Variants in ZNF804A observed in about 807,000 individuals in gnomAD.
The protein encoded by ZNF804A is zinc finger protein 804A.
Under a neutral mutation model 16.5 loss-of-function variants are expected in ZNF804A, and 2 were observed. The observed-to-expected ratio is 0.12, with a 90% CI of 0.05 to 0.38. The LOEUF (loss-of-function observed/expected upper bound fraction) is 0.38, where lower values mean the gene tolerates loss of function less well. Among genes scored for constraint, ZNF804A ranks in the 10% least tolerant of loss-of-function variants. ZNF804A has a pLI of 0.99. For synonymous variants in ZNF804A, 534 were observed against 489.6 expected, an observed-to-expected ratio of 1.09 and a Z score of -1.20; for missense variants, 1,473 against 1,390.7, an observed-to-expected ratio of 1.06 and a Z score of -0.94.
intron 1 of ZNF804A, among the ~76,000 whole-genome samples, chr2:184,799,311 T>G (rs1442526888): frequency 6.6e-6 from 1 of 152,180 alleles, no homozygotes; most frequent in East Asian, 1.9e-4. Context: ...CGATTGATTT[T>G]TTTTAATGTC....
chr2:184,883,681 T>C (rs1293887404), intron 2 of ZNF804A, among the ~76,000 whole-genome samples: 1 of 151,678 alleles, frequency 6.6e-6, no homozygotes, highest in Non-Finnish European at 1.5e-5. Flanking sequence ...ACTATATAAA[T>C]AGAACCAAAA....
At chr2:184,679,262 C>T (rs1235700089) in intron 1 of ZNF804A, among the ~76,000 whole-genome samples, 3 of 152,188 alleles carry the variant, frequency 2.0e-5, no homozygotes, top group African/African-American at 4.8e-5. Context: ...TCCAAAGATA[C>T]AATAACACAA....
rs1032598772 is a variant in ZNF804A, at chr2:184,827,263, G to A, written c.112-39106G>A. On this transcript the variant is annotated intron_variant, in intron 1 of 3. Transcript: ENST00000302277. ...TATAATATGGCTCTTCATTGAAATA[G>A]ATATTATATAACATTAAATGTTGAA... is the stretch of plus-strand genomic sequence containing the variant. Among the ~76,000 whole-genome samples, 3 of 150,842 alleles carry A rather than the reference G, an allele frequency of 2.0e-5. No homozygotes were observed. In the Admixed American group the frequency reaches 2.0e-4, roughly 10 times the overall value.
At chr2:184,710,347 T>A (rs1308518836) in intron 1 of ZNF804A, among the ~76,000 whole-genome samples, 1 of 151,724 alleles carries the variant, frequency 6.6e-6, no homozygotes, top group Non-Finnish European at 1.5e-5. Flanking sequence ...AAACCATTCA[T>A]TTACTTTCAT....
chr2:184,598,952 G>A lies in ZNF804A; in HGVS notation c.-8G>A, dbSNP rs370361795. On this transcript the variant is annotated 5_prime_UTR_variant, in exon 1 of 4. Coordinates refer to ENST00000302277, the MANE Select transcript of ZNF804A (RefSeq NM_194250.2). ...GGCGGCTGCGGCGGAGGAGGCGGCG[G>A]CTGCCCCATGGAGTGTTACTACATT... The A allele has an allele frequency of 1.3e-4, 207 of 1,544,188 alleles. No individual in the cohort carries two copies. The highest frequency in any genetic ancestry group is 1.7e-4 in the Non-Finnish European group (194 of 1,141,680).
chr2:184,795,308 C>A (rs1460060371), intron 1 of ZNF804A, among the ~76,000 whole-genome samples: 1 of 151,890 alleles, frequency 6.6e-6, no homozygotes, highest in East Asian at 1.9e-4. Flanking sequence ...AAATAATCTG[C>A]TCCTCATTAA....
chr2:184,616,273 A>G (rs1691317556), intron 1 of ZNF804A, among the ~76,000 whole-genome samples: 1 of 152,142 alleles, frequency 6.6e-6, no homozygotes, highest in African/African-American at 2.4e-5. Flanking sequence ...AACCTGAGTC[A>G]GTTATTTAAC....
chr2:184,768,587 T>G (rs1694164836), intron 1 of ZNF804A, among the ~76,000 whole-genome samples: 1 of 151,992 alleles, frequency 6.6e-6, no homozygotes, highest in South Asian at 2.1e-4. Flanking sequence ...AGGTTTAAAG[T>G]GGGGTCTGAA....
chr2:184,865,924 C>T (rs1244448668), intron 1 of ZNF804A, among the ~76,000 whole-genome samples: 1 of 151,958 alleles, frequency 6.6e-6, no homozygotes, highest in Non-Finnish European at 1.5e-5. Context: ...TTGAAACAAA[C>T]AAAATACAAA....
chr2:184,811,279 C>CG (rs1694895231), intron 1 of ZNF804A, among the ~76,000 whole-genome samples: 1 of 152,158 alleles, frequency 6.6e-6, no homozygotes, highest in East Asian at 1.9e-4. Context: ...GCATGCTCTT[C>CG]ATTCCTTTAT....
chr2:184,692,487 T>C (rs774042433), intron 1 of ZNF804A, among the ~76,000 whole-genome samples: 3 of 152,178 alleles, frequency 2.0e-5, no homozygotes, highest in Non-Finnish European at 2.9e-5. Flanking sequence ...TTAAAAATAA[T>C]AAGCATTACT....
At chr2:184,638,806 G>T (rs1691744468) in intron 1 of ZNF804A, among the ~76,000 whole-genome samples, 1 of 152,030 alleles carries the variant, frequency 6.6e-6, no homozygotes, top group South Asian at 2.1e-4. Context: ...TCACATAATT[G>T]ATGCTTACCA....
rs1696048061 is a variant in ZNF804A, at chr2:184,875,954, A to G, written c.255+9442A>G. 2.6e-5 allele frequency among the ~76,000 whole-genome samples: 4 copies of G among 152,198 alleles called. No homozygotes were observed. In the South Asian group the frequency reaches 8.3e-4, roughly 32 times the overall value. On this transcript the variant is annotated intron_variant, in intron 2 of 3. Transcript: ENST00000302277. ...CACTGATGCTTTGAAGAGATAGAAA[A>G]GGGAATGATTGTCTTATTGCTGCTG...
In ZNF804A at chr2:184,713,594, A is replaced by G. The variant is rs544835652; in HGVS notation, c.111+114524A>G. The stretch of plus-strand genomic sequence containing the variant: ...AGTCTTGAAACAATAACTATGTGCC[A>G]TATACCAACATGTACAGAACAATAT... On this transcript the variant is annotated intron_variant, in intron 1 of 3. Transcript: ENST00000302277. Among the ~76,000 whole-genome samples, 36 of 152,088 alleles carry G rather than the reference A, an allele frequency of 2.4e-4. 1 individual carries two copies. The highest frequency in any genetic ancestry group is 1.4e-3 in the Admixed American group (21 of 15,250).
intron 2 of ZNF804A, among the ~76,000 whole-genome samples, chr2:184,926,541 CT>C (rs201331731): frequency 3.3e-5 from 5 of 151,824 alleles, no homozygotes; most frequent in African/African-American, 9.7e-5. Flanking sequence ...ATATTGGTAA[CT>C]TTTTTTTAGG....
At chr2:184,903,011 C>G (rs986891680) in intron 2 of ZNF804A, among the ~76,000 whole-genome samples, 1 of 152,130 alleles carries the variant, frequency 6.6e-6, no homozygotes, top group Non-Finnish European at 1.5e-5. Context: ...GAAAAAAATT[C>G]TGAGACAATA....
Position 184,632,543 on chromosome 2 carries a change from G to C in ZNF804A, c.111+33473G>C, listed in dbSNP as rs933727673. Among the ~76,000 whole-genome samples the C allele has an allele frequency of 2.6e-5, 4 of 152,186 alleles. No homozygotes were observed. The South Asian group carries it at 8.3e-4, about 32-fold the overall frequency. On this transcript the variant is annotated intron_variant, in intron 1 of 3. Transcript: ENST00000302277. The stretch of plus-strand genomic sequence containing the variant: ...CCTGAGTATCTGGGATTACAGGGGC[G>C]TGCCACCACGCCTGGCTAATTTTTG...
intron 1 of ZNF804A, among the ~76,000 whole-genome samples, chr2:184,661,317 T>C (rs997455629): frequency 1.3e-5 from 2 of 152,166 alleles, no homozygotes; most frequent in African/African-American, 4.8e-5. Flanking sequence ...GTTACAGCTC[T>C]TTCACTCGCA....
chr2:184,723,252 A>G (rs1196021152), intron 1 of ZNF804A, among the ~76,000 whole-genome samples: 1 of 151,864 alleles, frequency 6.6e-6, no homozygotes, highest in Non-Finnish European at 1.5e-5. Flanking sequence ...TATGATAGAA[A>G]TTTTAAAATA....
Sources: allele counts gnomAD v4.1 joint callset (sites outside exome capture counted in the v4.1 genomes callset), GRCh38; gene constraint gnomAD v4.1.1; transcripts MANE v1.5; gene names NCBI Gene and HGNC (gene_info 2026-07-23, HGNC 2026-07-21).